CAMSAP2: variants seen among roughly 807,000 people sequenced by gnomAD.
CAMSAP2 encodes calmodulin-regulated spectrin-associated protein 2.
CAMSAP2 carries 26 observed loss-of-function variants against 146.1 expected under a neutral mutation model. The observed-to-expected ratio is 0.18, with a 90% CI of 0.13 to 0.25. CAMSAP2 has a LOEUF of 0.25. Ranked by LOEUF, CAMSAP2 falls within the 10% of genes least tolerant of loss-of-function variation. The probability of loss-of-function intolerance (pLI) is 1.00; values close to 1 mark genes in which losing one functional copy is unlikely to be tolerated. For synonymous variants in CAMSAP2, 499 were observed against 596.6 expected, an observed-to-expected ratio of 0.84 and a Z score of 2.38; for missense variants, 1,381 against 1,759.3, an observed-to-expected ratio of 0.78 and a Z score of 3.85.
At chr1:200,763,432 G>T (rs1055171714) in intron 2 of CAMSAP2, among the ~76,000 whole-genome samples, 2 of 151,890 alleles carry the variant, frequency 1.3e-5, no homozygotes, top group East Asian at 3.9e-4. Flanking sequence ...CCAGTTACTC[G>T]GGAGGCTGAG....
At chr1:200,771,107 C>T (rs1045184633) in intron 2 of CAMSAP2, among the ~76,000 whole-genome samples, 14 of 151,470 alleles carry the variant, frequency 9.2e-5, no homozygotes, top group African/African-American at 2.4e-4. Flanking sequence ...CACTGAGAGG[C>T]GATAGCAAAG....
rs200485917 is a variant in CAMSAP2 at position 200,832,323 on chromosome 1, G to C, written c.769G>C (p.Asp257His). ...TGCCCTTATTCATTTTTACTGTCCT[G>C]ATGTTGTCAGATTAGAGGGTAAGTG... is the stretch of plus-strand genomic sequence containing the variant. ...LAALIHFYCP[D>H]VVRLEDICLK... The change falls in exon 5 of 17, where the codon GAT (aspartate) becomes CAT (histidine). Residue 257 changes from aspartate to histidine, a missense_variant. Physicochemically the swap from Asp to His is moderately conservative, Grantham distance 81 (BLOSUM62 -1). Around this residue, in one of 4 missense-constraint regions of CAMSAP2, gnomAD observed 284 missense variants for 406.9 expected, o/e 0.70. Transcript: ENST00000358823. This position sits in a 1 kb window ranked among gnomAD's most constrained non-coding sequence, Gnocchi z 4.2. 1 of 1,611,416 alleles carries C rather than the reference G, an allele frequency of 6.2e-7. No homozygotes were observed. The highest frequency in any genetic ancestry group is 8.5e-7 in the Non-Finnish European group (1 of 1,179,160).
intron 2 of CAMSAP2, among the ~76,000 whole-genome samples, chr1:200,800,551 A>C (rs1403466214): frequency 2.0e-5 from 3 of 151,690 alleles, no homozygotes; most frequent in African/African-American, 7.3e-5. Context: ...TTTTTAGCCT[A>C]TGTGTGTCTT....
At chr1:200,765,333 A>G (rs1434954163) in intron 2 of CAMSAP2, among the ~76,000 whole-genome samples, 1 of 151,962 alleles carries the variant, frequency 6.6e-6, no homozygotes, top group Non-Finnish European at 1.5e-5. Flanking sequence ...AAGTTCAAGC[A>G]ATTCTCCTGC....
chr1:200,752,027 A>G (rs951305060), intron 1 of CAMSAP2, among the ~76,000 whole-genome samples: 11 of 152,234 alleles, frequency 7.2e-5, no homozygotes, highest in African/African-American at 2.4e-4. Flanking sequence ...TGTAAAGCAT[A>G]CAAGGGAAGA....
Position 200,832,809 on chromosome 1 carries a change from T to C in CAMSAP2, c.891T>C (p.Thr297=). 1 of 1,611,306 alleles carries C rather than the reference T, an allele frequency of 6.2e-7. No individual in the cohort carries two copies. The highest frequency in any genetic ancestry group is 8.5e-7 in the Non-Finnish European group (1 of 1,178,470). Residue 297 remains threonine, a synonymous_variant, in exon 6 of 17, where the codon ACT becomes ACC. Coordinates refer to ENST00000358823, the MANE Select transcript of CAMSAP2 (RefSeq NM_203459.4). This position sits in a 1 kb window ranked among gnomAD's most constrained non-coding sequence, Gnocchi z 4.2. ...ACTTGAACCAGTGTTGCCATTTCAC[T>C]CTGGAAGATATGCTCTATGCTGCTT... ...QEYLNQCCHF[T]LEDMLYAASS... is the part of the protein sequence containing the mutation.
Position 200,761,030 on chromosome 1 carries a change from G to A in CAMSAP2, c.331G>A (p.Gly111Ser). The change falls in exon 2 of 17, where the codon GGT (glycine) becomes AGT (serine). Residue 111 changes from glycine to serine, a missense_variant. Physicochemically the swap from Gly to Ser is moderately conservative, Grantham distance 56. Coordinates refer to ENST00000358823, the MANE Select transcript of CAMSAP2 (RefSeq NM_203459.4). ...DAVIQALAQKGLYVTDQEKLV... is the reference protein window; with the variant it reads ...DAVIQALAQKSLYVTDQEKLV... The stretch of plus-strand genomic sequence containing the variant: ...TGTAATCCAGGCTTTAGCACAGAAA[G>A]GTCTTTATGTCACTGACCAGGAAAA... The A allele has an allele frequency of 2.5e-6, 4 of 1,614,098 alleles. No individual in the cohort carries two copies. The highest frequency in any genetic ancestry group is 3.4e-6 in the Non-Finnish European group (4 of 1,180,020).
chr1:200,746,746 G>A (rs1469684128), intron 1 of CAMSAP2, among the ~76,000 whole-genome samples: 1 of 151,804 alleles, frequency 6.6e-6, no homozygotes, highest in Non-Finnish European at 1.5e-5. Flanking sequence ...AGCCTCCCGA[G>A]TAGCTGGGAC....
Position 200,816,765 on chromosome 1 carries a change from C to CACACACACGCGTGTATATATGTGTGT in CAMSAP2, c.645+1130_645+1155dup, listed in dbSNP as rs1666521433. ...ACACACGCGTGTATATATGTGTGTA[C>CACACACACGCGTGTATATATGTGTGT]ACACACACGCGTGTATATATGTGTG... On this transcript the variant is annotated intron_variant, in intron 4 of 16. Coordinates refer to ENST00000358823, the MANE Select transcript of CAMSAP2 (RefSeq NM_203459.4). 4.0e-5 allele frequency among the ~76,000 whole-genome samples: 2 copies of CACACACACGCGTGTATATATGTGTGT among 49,832 alleles called. 1 individual carries two copies. Among genetic ancestry groups the CACACACACGCGTGTATATATGTGTGT allele is most frequent in the Non-Finnish European group, 6.4e-5 (2 of 31,272 alleles). The allele number at this position is 49,832 out of a possible 152,430, so 32.7% of individuals were successfully genotyped here.
chr1:200,761,827 A>C (rs555841303), intron 2 of CAMSAP2, among the ~76,000 whole-genome samples: 16 of 152,318 alleles, frequency 1.1e-4, no homozygotes, highest in African/African-American at 3.8e-4. Context: ...ATAGCTTTGA[A>C]CTCATTCTTG....
At chr1:200,828,588 T>G in intron 4 of CAMSAP2, 1 of 1,550,138 alleles carries the variant, frequency 6.5e-7, no homozygotes, top group Non-Finnish European at 8.7e-7. Context: ...TTCCAAATGG[T>G]TTTGGAAACT....
At chr1:200,813,432 T>TATTTTCTACTC (rs1269131668) in intron 3 of CAMSAP2, among the ~76,000 whole-genome samples, 1 of 152,260 alleles carries the variant, frequency 6.6e-6, no homozygotes, top group African/African-American at 2.4e-5. Flanking sequence ...CTGCTCCCAT[T>TATTTTCTACTC]ATTTTCTACT....
At chr1:200,767,611 G>A (rs953798211) in intron 2 of CAMSAP2, among the ~76,000 whole-genome samples, 9 of 151,114 alleles carry the variant, frequency 6.0e-5, no homozygotes, top group South Asian at 2.1e-4. Context: ...TCCTTTCCCT[G>A]TTTAAGAACA....
intron 3 of CAMSAP2, among the ~76,000 whole-genome samples, chr1:200,809,288 C>G (rs968318317): frequency 6.6e-6 from 1 of 152,230 alleles, no homozygotes; most frequent in African/African-American, 2.4e-5. Context: ...CCTACTGTTA[C>G]AATGAAGAAT....
In CAMSAP2 at chr1:200,849,186, C is replaced by T. The variant is rs373081550; in HGVS notation, c.2417C>T (p.Ala806Val). ...DGISPLREEA[A>V]GAEDEKVYTD... ...ATATCTCCTCTACGAGAGGAAGCGGCGGGTGCAGAAGATGAGAAAGTATAT... is the reference window on the plus strand; with the variant it reads ...ATATCTCCTCTACGAGAGGAAGCGGTGGGTGCAGAAGATGAGAAAGTATAT... Residue 806 changes from alanine to valine, a missense_variant, in exon 11 of 17, where the codon GCG becomes GTG. By Grantham distance (64) the Ala-to-Val change is moderately conservative. Coordinates refer to ENST00000358823, the MANE Select transcript of CAMSAP2 (RefSeq NM_203459.4). This position sits in a 1 kb window ranked among gnomAD's most constrained non-coding sequence, Gnocchi z 6.3. 3.1e-5 allele frequency: 50 copies of T among 1,613,516 alleles called. No homozygotes were observed. Among genetic ancestry groups the T allele is most frequent in the South Asian group, 2.0e-4 (18 of 91,066 alleles).
At chr1:200,779,217 C>G (rs1665367272) in intron 2 of CAMSAP2, among the ~76,000 whole-genome samples, 1 of 152,046 alleles carries the variant, frequency 6.6e-6, no homozygotes, top group South Asian at 2.1e-4. Flanking sequence ...TGCCCCAATC[C>G]CTTGTTGATG....
intron 1 of CAMSAP2, among the ~76,000 whole-genome samples, chr1:200,759,302 A>G (rs1391144785): frequency 7.8e-6 from 1 of 127,600 alleles, no homozygotes; most frequent in Non-Finnish European, 1.7e-5. Flanking sequence ...TTTTTGAGAT[A>G]GAGTTTCACT....
rs77867778 is a variant in CAMSAP2, at chr1:200,760,117, C to G, written c.140-722C>G. ...AGATTTTGGTTTTCTTCCCATCTCC[C>G]ATTTCTAAACTACTACTTATGTTTT... On this transcript the variant is annotated intron_variant, in intron 1 of 16. Coordinates refer to ENST00000358823, the MANE Select transcript of CAMSAP2 (RefSeq NM_203459.4). 4.1e-3 allele frequency among the ~76,000 whole-genome samples: 624 copies of G among 152,246 alleles called. 1 individual carries two copies. Among genetic ancestry groups the G allele is most frequent in the Non-Finnish European group, 5.4e-3 (370 of 68,020 alleles).
In CAMSAP2 at chr1:200,859,745, TA is replaced by T. The variant is rs1327637702; in HGVS notation, c.*1691del. ...TATTGTGTATATAACATATGGATAT[TA>T]AAAATGGGGAATTGCACATTTTACC... On this transcript the variant is annotated 3_prime_UTR_variant, in exon 17 of 17. Transcript: ENST00000358823. The T allele has an allele frequency of 1.3e-5, 2 of 152,336 alleles. No homozygotes were observed. The highest frequency in any genetic ancestry group is 1.3e-4 in the Admixed American group (2 of 15,302). 9.4% of individuals were successfully genotyped at this position (152,336 alleles called of 1,614,324 possible). A position where few individuals can be genotyped will look rare whatever the true frequency, so the allele number is the denominator to read the frequency against.
Sources: gnomAD v4.1 joint callset for allele counts (sites outside exome capture counted in the v4.1 genomes callset) on GRCh38, gnomAD v4.1.1 for gene constraint, gnomAD v4.1.1 regional missense constraint, Gnocchi (gnomAD v3.1) non-coding constraint, MANE v1.5 for transcripts, NCBI Gene and HGNC (gene_info 2026-07-23, HGNC 2026-07-21) for gene names.